Variants in PCDHA1 observed in about 807,000 individuals in gnomAD.
PCDHA1 encodes protocadherin alpha 1, also known as protocadherin alpha-1.
A neutral mutation model predicts 61.3 loss-of-function variants in PCDHA1; 42 were observed. That is an observed-to-expected ratio of 0.69 (90% CI 0.54 to 0.89). The LOEUF (loss-of-function observed/expected upper bound fraction) is 0.89. Among genes scored for constraint, PCDHA1 ranks in the 40% least tolerant of loss-of-function variants. The pLI is 0.00. For missense variants in PCDHA1, 1,256 were observed against 1,235.3 expected (o/e 1.02, Z -0.25); for synonymous variants, 610 against 553.8 (o/e 1.10, Z -1.43).
chr5:140,883,702 T>C (rs367854871), intron 1 of PCDHA1: 80 of 1,613,632 alleles, frequency 5.0e-5, no homozygotes, highest in South Asian at 6.6e-5. Context: ...TCACGGTGTC[T>C]GCTCAGGACG....
At chr5:140,834,451 C>T (rs1554134220) in intron 1 of PCDHA1, 2 of 1,594,820 alleles carry the variant, frequency 1.3e-6, no homozygotes, top group Admixed American at 3.4e-5. Flanking sequence ...ATTCTAGCAG[C>T]TTGGGAGGCA....
Position 140,928,140 on chromosome 5 carries a change from G to GGCC in PCDHA1, c.2395-50808_2395-50806dup. 3 of 1,614,154 alleles carry GGCC rather than the reference G, an allele frequency of 1.9e-6. No homozygotes were observed. The South Asian group carries it at 3.3e-5, about 18-fold the overall frequency. On this transcript the variant is annotated intron_variant, in intron 1 of 3. Transcript: ENST00000504120. ...TCAGTGAATACCAAGTCCTGATCAC[G>GGCC]GCCTCAGATAGTGGCTCACCCCCAC...
At position 141,010,449 on chromosome 5, in the gene PCDHA1, C is replaced by T. The variant is rs764975082; in HGVS notation, c.*512C>T. ...CAAGAAAACAAAGACAAATAAACAG[C>T]GGAAGTTATCAGTATGGAGGGGAAG... On this transcript the variant is annotated 3_prime_UTR_variant, in exon 4 of 4. Coordinates refer to ENST00000504120, the MANE Select transcript of PCDHA1 (RefSeq NM_018900.4). 14 of 915,348 alleles carry T rather than the reference C, an allele frequency of 1.5e-5. No homozygotes were observed. Among genetic ancestry groups the T allele is most frequent in the Non-Finnish European group, 2.1e-5 (13 of 631,774 alleles). 56.7% of individuals were successfully genotyped at this position (915,348 alleles called of 1,614,324 possible).
chr5:140,804,882 C>G (rs1554123162), intron 1 of PCDHA1: 33 of 589,132 alleles, frequency 5.6e-5, no homozygotes, highest in Non-Finnish European at 5.7e-5. Context: ...TTCTTGACTC[C>G]TCTCCTTCCC....
At chr5:140,989,530 AG>A (rs1249109717) in intron 3 of PCDHA1, among the ~76,000 whole-genome samples, 1 of 152,200 alleles carries the variant, frequency 6.6e-6, no homozygotes, top group Non-Finnish European at 1.5e-5. Context: ...CAGAGGAGGA[AG>A]ATAGTTTGTA....
chr5:140,861,885 C>G (rs2047123718), intron 1 of PCDHA1: 1 of 155,106 alleles, frequency 6.4e-6, no homozygotes, highest in Non-Finnish European at 1.4e-5. Flanking sequence ...GCTGAGCTGA[C>G]AGGCACCAAA....
In PCDHA1 at chr5:140,787,923, C is replaced by T. The variant is rs367694549; in HGVS notation, c.1633C>T (p.Leu545=). Reference sequence around the variant, plus strand: ...CGCGCGGGATGCGGGCGTGCCGCCTCTGGGCAGCAACGTGACGCTGCAGGT... The same window carrying T: ...CGCGCGGGATGCGGGCGTGCCGCCTTTGGGCAGCAACGTGACGCTGCAGGT... ...VSARDAGVPP[L]GSNVTLQVFV... is the part of the protein sequence containing the mutation. Residue 545 remains leucine (L), a synonymous_variant, in exon 1 of 4, where the codon CTG becomes TTG. Coordinates refer to ENST00000504120, the MANE Select transcript of PCDHA1 (RefSeq NM_018900.4). 2.0e-5 allele frequency: 33 copies of T among 1,613,726 alleles called. No homozygotes were observed. Among genetic ancestry groups the T allele is most frequent in the Non-Finnish European group, 2.5e-5 (30 of 1,179,924 alleles).
intron 1 of PCDHA1, chr5:140,870,967 C>T (rs782808360): frequency 1.9e-6 from 3 of 1,613,648 alleles, no homozygotes; most frequent in Admixed American, 1.7e-5. Context: ...CATCCCGTTC[C>T]GCGTGGGGCT....
chr5:140,875,290 A>T (rs1321351883), intron 1 of PCDHA1: 20 of 1,396,906 alleles, frequency 1.4e-5, no homozygotes, highest in East Asian at 7.6e-5. Context: ...AAACAGGAAA[A>T]TTTTTTTCTC....
intron 1 of PCDHA1, chr5:140,795,996 T>C (rs1436455435): frequency 3.1e-6 from 5 of 1,614,032 alleles, no homozygotes; most frequent in Non-Finnish European, 4.2e-6. Context: ...TGGACATCAA[T>C]GATAACACAC....
chr5:140,819,125 C>T (rs1243509701), intron 1 of PCDHA1, among the ~76,000 whole-genome samples: 1 of 152,096 alleles, frequency 6.6e-6, no homozygotes, highest in Non-Finnish European at 1.5e-5. Context: ...TCTTACTATC[C>T]TTATAATAGA....
At chr5:140,841,420 C>T in intron 1 of PCDHA1, 2 of 1,613,022 alleles carry the variant, frequency 1.2e-6, no homozygotes, top group African/African-American at 1.3e-5. Context: ...AGCTCCACTA[C>T]TCCGTCCCCG....
chr5:140,888,067 T>G (rs1392142536), intron 1 of PCDHA1, among the ~76,000 whole-genome samples: 1 of 152,224 alleles, frequency 6.6e-6, no homozygotes, highest in Admixed American at 6.5e-5. Context: ...CTTTCTTGTC[T>G]GCTAATTTCA....
chr5:140,841,207 T>C (rs1217897832), intron 1 of PCDHA1: 1 of 1,357,074 alleles, frequency 7.4e-7, no homozygotes, highest in African/African-American at 1.5e-5. Context: ...ACAGCATCTG[T>C]CTCTAAAGGC....
In PCDHA1 at chr5:140,788,187, A is replaced by G. The variant is rs2149897420; in HGVS notation, c.1897A>G (p.Thr633Ala). ...RVGLYTGEIS[T>A]TRVLDEADLS... is the part of the protein sequence containing the mutation. Reference sequence around the variant, plus strand: ...GGGGCTGTACACGGGCGAGATCAGCACGACTCGTGTCCTGGACGAGGCTGA... The same window carrying G: ...GGGGCTGTACACGGGCGAGATCAGCGCGACTCGTGTCCTGGACGAGGCTGA... Residue 633 changes from threonine (T) to alanine (A), a missense_variant, in exon 1 of 4, where the codon ACG (threonine) becomes GCG (alanine). Coordinates refer to ENST00000504120, the MANE Select transcript of PCDHA1 (RefSeq NM_018900.4). The G allele has an allele frequency of 1.2e-6, 2 of 1,614,054 alleles. No homozygotes were observed. The highest frequency in any genetic ancestry group is 4.5e-5 in the East Asian group (2 of 44,872).
intron 1 of PCDHA1, chr5:140,882,334 A>G: frequency 1.2e-6 from 2 of 1,614,176 alleles, no homozygotes; most frequent in Non-Finnish European, 1.7e-6. Flanking sequence ...TGATCCTCGC[A>G]GCCTGGGAGA....
At position 140,788,122 on chromosome 5, in the gene PCDHA1, T is replaced by A; in HGVS notation, c.1832T>A (p.Leu611Gln). 2 of 1,613,920 alleles carry A rather than the reference T, an allele frequency of 1.2e-6. No individual in the cohort carries two copies. The highest frequency in any genetic ancestry group is 1.7e-6 in the Non-Finnish European group (2 of 1,179,896). ...TACAACGCGTGGCTGTCCTATGAAC[T>A]GCAGCCGGCAGCAGGCGGCGCGCGC... ...SGYNAWLSYE[L>Q]QPAAGGARIP... The change falls in exon 1 of 4, where the codon CTG becomes CAG. Residue 611 changes from leucine (L) to glutamine (Q), a missense_variant. Physicochemically the swap from Leu to Gln is moderately radical, Grantham distance 113. Coordinates refer to ENST00000504120, the MANE Select transcript of PCDHA1 (RefSeq NM_018900.4).
chr5:140,810,815 T>C (rs1554125577), intron 1 of PCDHA1: 1 of 152,174 alleles, frequency 6.6e-6, no homozygotes, highest in East Asian at 1.9e-4. Context: ...TTCTTTTTTG[T>C]CTTTTGGTGA....
rs577872820 is a variant in PCDHA1, at chr5:140,862,061, T to G, written c.2394+73377T>G. Reference sequence around the variant, plus strand: ...AACCGTCACATTGTTTCTTTGCAACTGATGTCTCCCCTAACATAGAAGCCC... The same window carrying G: ...AACCGTCACATTGTTTCTTTGCAACGGATGTCTCCCCTAACATAGAAGCCC... On this transcript the variant is annotated intron_variant, in intron 1 of 3. Coordinates refer to ENST00000504120, the MANE Select transcript of PCDHA1 (RefSeq NM_018900.4). 26 of 155,902 alleles carry G rather than the reference T, an allele frequency of 1.7e-4. No homozygotes were observed. In the South Asian group the frequency reaches 2.8e-3, roughly 17 times the overall value. 9.7% of individuals were successfully genotyped at this position (155,902 alleles called of 1,614,324 possible).
Sources: allele counts gnomAD v4.1 joint callset (sites outside exome capture counted in the v4.1 genomes callset), GRCh38; gene constraint gnomAD v4.1.1; transcripts MANE v1.5; gene names NCBI Gene and HGNC (gene_info 2026-07-23, HGNC 2026-07-21).